Variants in SPAG16 observed in about 807,000 individuals in gnomAD.
SPAG16 encodes sperm associated antigen 16.
In SPAG16, 86 loss-of-function variants were observed where a neutral mutation model predicts 80.4. That is an observed-to-expected ratio of 1.07 (90% CI 0.90 to 1.28). The LOEUF (loss-of-function observed/expected upper bound fraction) is 1.28. Among genes scored for constraint, SPAG16 ranks in the 50% most tolerant of loss-of-function variants. The pLI, the probability that SPAG16 is intolerant of heterozygous loss-of-function variation, is 0.00. For missense variants in SPAG16, 870 were observed against 765.3 expected, an observed-to-expected ratio of 1.14 and a Z score of -1.61; for synonymous variants, 294 against 265.9, an observed-to-expected ratio of 1.11 and a Z score of -1.03.
intron 3 of SPAG16, among the ~76,000 whole-genome samples, chr2:213,299,601 T>C (rs56385748): frequency 0.21 from 31,787 of 152,102 alleles, 4,315 homozygotes; most frequent in Non-Finnish European, 0.31. Context: ...TTCCTTTAAA[T>C]GTGGGTAGTA....
At chr2:214,015,535 T>C (rs2047548213) in intron 13 of SPAG16, among the ~76,000 whole-genome samples, 1 of 151,494 alleles carries the variant, frequency 6.6e-6, no homozygotes, top group African/African-American at 2.4e-5. Flanking sequence ...GAGGCGGAAG[T>C]TGCAGTGAGC....
At chr2:213,679,297 G>T (rs1382230392) in intron 10 of SPAG16, among the ~76,000 whole-genome samples, 1 of 152,080 alleles carries the variant, frequency 6.6e-6, no homozygotes, top group African/African-American at 2.4e-5. Context: ...TTAAAAATTT[G>T]CTTTCTTTCA....
chr2:213,585,628 A>G (rs2060445723), intron 10 of SPAG16, among the ~76,000 whole-genome samples: 1 of 152,216 alleles, frequency 6.6e-6, no homozygotes, highest in South Asian at 2.1e-4. Context: ...AAAGATGATC[A>G]TACGTCTCTT....
At chr2:213,813,871 G>C (rs2072341694) in intron 10 of SPAG16, among the ~76,000 whole-genome samples, 1 of 152,110 alleles carries the variant, frequency 6.6e-6, no homozygotes, top group South Asian at 2.1e-4. Flanking sequence ...ACAGAGTTTA[G>C]CTGACATGAA....
chr2:213,587,237 C>T lies in SPAG16; in HGVS notation c.1070+97147C>T, dbSNP rs144382929. Among the ~76,000 whole-genome samples, 418 of 152,316 alleles carry T rather than the reference C, an allele frequency of 2.7e-3. 3 individuals carry two copies. Among genetic ancestry groups the T allele is most frequent in the Non-Finnish European group, 4.6e-3 (314 of 68,020 alleles). ...GAGTCCTTCTAAATCTAGATAGAAG[C>T]AGCCACATTCCCACAACTTTGCTGG... On this transcript the variant is annotated intron_variant, in intron 10 of 15. Coordinates refer to ENST00000331683, the MANE Select transcript of SPAG16 (RefSeq NM_024532.5).
At chr2:213,399,026 A>G (rs979553504) in intron 9 of SPAG16, among the ~76,000 whole-genome samples, 2 of 152,112 alleles carry the variant, frequency 1.3e-5, no homozygotes, top group East Asian at 3.8e-4. Flanking sequence ...TAATTTGTCT[A>G]TAGGCTTTTT....
At chr2:214,015,083 T>A (rs2047517954) in intron 13 of SPAG16, among the ~76,000 whole-genome samples, 1 of 152,192 alleles carries the variant, frequency 6.6e-6, no homozygotes, top group Non-Finnish European at 1.5e-5. Flanking sequence ...TTCATGCCCC[T>A]TCATGGGTCC....
chr2:214,166,161 GA>G (rs1306623583), intron 15 of SPAG16, among the ~76,000 whole-genome samples: 1 of 152,124 alleles, frequency 6.6e-6, no homozygotes, highest in African/African-American at 2.4e-5. Context: ...AAAGGCAGTG[GA>G]AAAATGGGAT....
chr2:214,233,633 C>A (rs1330438837), intron 15 of SPAG16, among the ~76,000 whole-genome samples: 2 of 152,014 alleles, frequency 1.3e-5, no homozygotes, highest in African/African-American at 4.8e-5. Flanking sequence ...GAAATGATCA[C>A]TTCAATTCTT....
chr2:213,588,588 G>C (rs1284589838), intron 10 of SPAG16, among the ~76,000 whole-genome samples: 3 of 150,526 alleles, frequency 2.0e-5, no homozygotes, highest in Non-Finnish European at 4.4e-5. Flanking sequence ...GGATCACGAG[G>C]TCAGGAGATC....
intron 10 of SPAG16, among the ~76,000 whole-genome samples, chr2:213,772,611 C>G (rs2069319055): frequency 6.6e-6 from 1 of 152,054 alleles, no homozygotes; most frequent in Admixed American, 6.6e-5. Flanking sequence ...GTTAGTGCAT[C>G]CTTTTACCAA....
chr2:214,374,638 G>T (rs1217368722), intron 15 of SPAG16, among the ~76,000 whole-genome samples: 1 of 152,162 alleles, frequency 6.6e-6, no homozygotes, highest in Non-Finnish European at 1.5e-5. Flanking sequence ...GAGGCAGCCT[G>T]CACCTGCAGC....
intron 10 of SPAG16, among the ~76,000 whole-genome samples, chr2:213,702,204 C>T (rs2065466341): frequency 6.6e-6 from 1 of 152,144 alleles, no homozygotes; most frequent in Admixed American, 6.5e-5. Flanking sequence ...GACCAATCAG[C>T]TCTCAGTAAA....
chr2:214,286,499 C>T (rs1351453541), intron 15 of SPAG16, among the ~76,000 whole-genome samples: 9 of 152,152 alleles, frequency 5.9e-5, no homozygotes, highest in African/African-American at 2.2e-4. Context: ...ATAATCCCGG[C>T]ACTTTGTGAG....
At position 213,637,676 on chromosome 2, in the gene SPAG16, TG is replaced by T. The variant is rs572052225; in HGVS notation, c.1070+147587del. ...TTTTCCTAGTTTAATCTAGGAGGGT[TG>T]TATTTTTCCAGGAATTATCCATCTT... On this transcript the variant is annotated intron_variant, in intron 10 of 15. Coordinates refer to ENST00000331683, the MANE Select transcript of SPAG16 (RefSeq NM_024532.5). Among the ~76,000 whole-genome samples the T allele has an allele frequency of 8.6e-4, 131 of 152,294 alleles. 2 individuals carry two copies. In the South Asian group the frequency reaches 0.015, roughly 17 times the overall value.
intron 10 of SPAG16, among the ~76,000 whole-genome samples, chr2:213,727,453 A>G (rs2066821304): frequency 6.6e-6 from 1 of 152,236 alleles, no homozygotes; most frequent in Non-Finnish European, 1.5e-5. Context: ...TAAGGTGGTC[A>G]AGAAAAAAAA....
intron 10 of SPAG16, among the ~76,000 whole-genome samples, chr2:213,792,654 G>A (rs966009255): frequency 1.4e-5 from 2 of 143,556 alleles, no homozygotes. Flanking sequence ...CTTGATCCTG[G>A]CTCACTGCAA....
chr2:214,006,749 C>G (rs1356090921), intron 12 of SPAG16, among the ~76,000 whole-genome samples: 1 of 152,206 alleles, frequency 6.6e-6, no homozygotes. Context: ...TCTCTGGCAG[C>G]TAATTAATCT....
chr2:214,259,473 C>CTTTTTTTTTTTTT (rs5838423), intron 15 of SPAG16, among the ~76,000 whole-genome samples: 1 of 91,256 alleles, frequency 1.1e-5, no homozygotes. Context: ...ACACGTATAG[C>CTTTTTTTTTTTTT]TTTTTTTTTT....
Sources: gnomAD v4.1 joint callset for allele counts (sites outside exome capture counted in the v4.1 genomes callset) on GRCh38, gnomAD v4.1.1 for gene constraint, MANE v1.5 for transcripts, NCBI Gene and HGNC (gene_info 2026-07-23, HGNC 2026-07-21) for gene names.